GRIA2: variants seen among roughly 807,000 people sequenced by gnomAD.
GRIA2 encodes the protein glutamate receptor 2.
Under a neutral mutation model 97.3 loss-of-function variants are expected in GRIA2, and 14 were observed. That is an observed-to-expected ratio of 0.14 (90% CI 0.10 to 0.23). The LOEUF is 0.23. Among genes scored for constraint, GRIA2 ranks in the 10% least tolerant of loss-of-function variants. The probability of loss-of-function intolerance (pLI) is 1.00; values close to 1 mark genes in which losing one functional copy is unlikely to be tolerated. For missense variants in GRIA2, 558 were observed against 1,069.8 expected, an observed-to-expected ratio of 0.52 and a Z score of 6.67; for synonymous variants, 412 against 387.8, an observed-to-expected ratio of 1.06 and a Z score of -0.73.
At chr4:157,230,928 G>A (rs915410584) in intron 2 of GRIA2, among the ~76,000 whole-genome samples, 4 of 151,910 alleles carry the variant, frequency 2.6e-5, no homozygotes, top group Admixed American at 6.6e-5. Flanking sequence ...ATCACAGCTC[G>A]CTTCAGTCTT....
intron 2 of GRIA2, among the ~76,000 whole-genome samples, chr4:157,295,376 G>A (rs1422580912): frequency 6.6e-6 from 1 of 152,056 alleles, no homozygotes; most frequent in Non-Finnish European, 1.5e-5. Flanking sequence ...AAATATTTGT[G>A]GCAGAGCTAT....
intron 6 of GRIA2, among the ~76,000 whole-genome samples, chr4:157,331,841 T>C (rs1421462599): frequency 6.6e-6 from 1 of 152,008 alleles, no homozygotes; most frequent in Non-Finnish European, 1.5e-5. Flanking sequence ...CCTGAAATAC[T>C]AAGGAACTGA....
intron 2 of GRIA2, among the ~76,000 whole-genome samples, chr4:157,229,353 A>G (rs1424005002): frequency 6.6e-6 from 1 of 152,172 alleles, no homozygotes; most frequent in Non-Finnish European, 1.5e-5. Flanking sequence ...ACATTATCAT[A>G]TTACTGGGAA....
At chr4:157,301,851 T>G (rs1266598521) in intron 2 of GRIA2, among the ~76,000 whole-genome samples, 1 of 151,998 alleles carries the variant, frequency 6.6e-6, no homozygotes, top group Non-Finnish European at 1.5e-5. Flanking sequence ...GACCCCGAGA[T>G]TGAGAAATAT....
rs1240043929 is a variant in GRIA2, at chr4:157,279,682, C to G, written c.230-23870C>G. Among the ~76,000 whole-genome samples, 5 of 152,002 alleles carry G rather than the reference C, an allele frequency of 3.3e-5. 1 individual carries two copies. In the East Asian group the frequency reaches 7.8e-4, roughly 24 times the overall value. On this transcript the variant is annotated intron_variant, in intron 2 of 15. Transcript: ENST00000264426. ...GGTAGTTAAGGCTAGATTTTTAATCCAATGTTTATTCACCCTAACACCTTT... is the reference window on the plus strand; with the variant it reads ...GGTAGTTAAGGCTAGATTTTTAATCGAATGTTTATTCACCCTAACACCTTT...
chr4:157,241,764 G>A (rs949141957), intron 2 of GRIA2, among the ~76,000 whole-genome samples: 1 of 151,916 alleles, frequency 6.6e-6, no homozygotes, highest in South Asian at 2.1e-4. Flanking sequence ...TCATTGTATG[G>A]CTATTAGAAA....
chr4:157,292,681 T>C (rs1405604917), intron 2 of GRIA2, among the ~76,000 whole-genome samples: 1 of 152,088 alleles, frequency 6.6e-6, no homozygotes, highest in Non-Finnish European at 1.5e-5. Flanking sequence ...TAGGAATAGA[T>C]GATTAATAGA....
intron 2 of GRIA2, among the ~76,000 whole-genome samples, chr4:157,256,174 AT>A (rs1731237322): frequency 7.2e-6 from 1 of 138,060 alleles, no homozygotes; most frequent in African/African-American, 2.7e-5. Context: ...TATGTTATAT[AT>A]TATATATAAT....
At position 157,364,219 on chromosome 4, in the gene GRIA2, C is replaced by T. The variant is rs960691912; in HGVS notation, c.*788C>T. The stretch of plus-strand genomic sequence containing the variant: ...AACTTTAATGTATCCTATTCTTTAA[C>T]ATTTGGTGTTAATATAAAATTACTT... On this transcript the variant is annotated 3_prime_UTR_variant, in exon 16 of 16. Coordinates refer to ENST00000264426, the MANE Select transcript of GRIA2 (RefSeq NM_001083619.3). The T allele has an allele frequency of 2.0e-5, 3 of 152,358 alleles. No homozygotes were observed. The highest frequency in any genetic ancestry group is 2.4e-5 in the African/African-American group (1 of 41,402). The allele number at this position is 152,358 out of a possible 1,614,324, so 9.4% of individuals were successfully genotyped here.
chr4:157,224,381 G>C (rs1729649083), intron 2 of GRIA2, among the ~76,000 whole-genome samples: 1 of 152,166 alleles, frequency 6.6e-6, no homozygotes, highest in African/African-American at 2.4e-5. Context: ...TACTGTGACA[G>C]AAGAGAGGCT....
intron 2 of GRIA2, among the ~76,000 whole-genome samples, chr4:157,274,489 G>A (rs1343757826): frequency 3.3e-5 from 5 of 151,414 alleles, no homozygotes; most frequent in African/African-American, 1.2e-4. Flanking sequence ...TTAGCATTAG[G>A]TGTATCTCCT....
Position 157,317,640 on chromosome 4 carries a change from C to T in GRIA2, c.667-18C>T, listed in dbSNP as rs764054921. ...ATTATTTGTATTAATTAAATAATTACTTATTTGTGCTTATTAGGTTATTAC... is the reference window on the plus strand; with the variant it reads ...ATTATTTGTATTAATTAAATAATTATTTATTTGTGCTTATTAGGTTATTAC... On this transcript the variant is annotated intron_variant, in intron 4 of 15. Coordinates refer to ENST00000264426, the MANE Select transcript of GRIA2 (RefSeq NM_001083619.3). The T allele has an allele frequency of 3.3e-6, 3 of 901,908 alleles. No homozygotes were observed. The highest frequency in any genetic ancestry group is 5.4e-6 in the Non-Finnish European group (3 of 559,342). 55.9% of individuals were successfully genotyped at this position (901,908 alleles called of 1,614,324 possible).
At chr4:157,223,660 G>A (rs892484461) in intron 2 of GRIA2, among the ~76,000 whole-genome samples, 1 of 152,194 alleles carries the variant, frequency 6.6e-6, no homozygotes, top group African/African-American at 2.4e-5. Context: ...ATGTGAAAAT[G>A]CTTTGAAAAG....
At position 157,352,651 on chromosome 4, in the gene GRIA2, T is replaced by C. The variant is rs539298319; in HGVS notation, c.2044-7245T>C. On this transcript the variant is annotated intron_variant, in intron 12 of 15. Transcript: ENST00000264426. ...AGGAGAATCGCTTGAACCCAGGAGGTGGAGTTTGCAGTGAGCAGAGACCAT... is the reference window on the plus strand; with the variant it reads ...AGGAGAATCGCTTGAACCCAGGAGGCGGAGTTTGCAGTGAGCAGAGACCAT... Among the ~76,000 whole-genome samples, 234 of 129,262 alleles carry C rather than the reference T, an allele frequency of 1.8e-3. 3 individuals carry two copies. Among genetic ancestry groups the C allele is most frequent in the African/African-American group, 6.8e-3 (226 of 33,104 alleles). 84.8% of individuals were successfully genotyped at this position (129,262 alleles called of 152,430 possible).
At chr4:157,295,541 T>C (rs542258244) in intron 2 of GRIA2, among the ~76,000 whole-genome samples, 1 of 152,020 alleles carries the variant, frequency 6.6e-6, no homozygotes, top group Admixed American at 6.6e-5. Flanking sequence ...GGAACAGGAG[T>C]GAACAAAGTA....
At chr4:157,342,082 T>C (rs1735573826) in intron 12 of GRIA2, 4 of 966,814 alleles carry the variant, frequency 4.1e-6, no homozygotes, top group Non-Finnish European at 4.9e-6. Flanking sequence ...GGACCTGATG[T>C]TGGCATAATT....
At chr4:157,360,664 A>G in intron 13 of GRIA2, 2 of 476,472 alleles carry the variant, frequency 4.2e-6, no homozygotes, top group Non-Finnish European at 8.3e-6. Flanking sequence ...TTTACTATGT[A>G]GTTAACTCTT....
chr4:157,231,290 C>T (rs1004937431), intron 2 of GRIA2, among the ~76,000 whole-genome samples: 3 of 152,142 alleles, frequency 2.0e-5, no homozygotes, highest in Non-Finnish European at 2.9e-5. Flanking sequence ...CCGCCCACCT[C>T]GGCCTCCCAA....
intron 2 of GRIA2, among the ~76,000 whole-genome samples, chr4:157,227,713 A>G (rs1347784453): frequency 6.6e-6 from 1 of 152,168 alleles, no homozygotes; most frequent in Non-Finnish European, 1.5e-5. Context: ...AAGATACCCC[A>G]GATTTCATTA....
Sources: gnomAD v4.1 joint callset for allele counts (sites outside exome capture counted in the v4.1 genomes callset) on GRCh38, gnomAD v4.1.1 for gene constraint, MANE v1.5 for transcripts, NCBI Gene and HGNC (gene_info 2026-07-23, HGNC 2026-07-21) for gene names.